LSR: variants seen among roughly 807,000 people sequenced by gnomAD.
LSR encodes lipolysis-stimulated lipoprotein receptor.
LSR carries 44 observed loss-of-function variants against 61.8 expected under a neutral mutation model. The ratio of observed to expected loss-of-function variants is 0.71; its 90% CI spans 0.56 to 0.91. The LOEUF is 0.91. Ranked by LOEUF, LSR falls within the 40% of genes least tolerant of loss-of-function variation. The pLI, the probability that LSR is intolerant of heterozygous loss-of-function variation, is 0.00. For synonymous variants in LSR, 397 were observed against 350.6 expected, an observed-to-expected ratio of 1.13 and a Z score of -1.48; for missense variants, 911 against 830.5, an observed-to-expected ratio of 1.10 and a Z score of -1.19.
At chr19:35,262,075 C>A in intron 4 of LSR, 94 bp downstream of exon 4, 3 of 1,195,612 alleles carry the variant, frequency 2.5e-6, no homozygotes, top group Non-Finnish European at 3.5e-6. Context: ...CCCCACTAAA[C>A]CCTGCTCACT....
At position 35,250,167 on chromosome 19, in the gene LSR, CACTGGTCCTGGCAATTA is replaced by C. The variant is rs552687486; in HGVS notation, c.110-146_110-130del. 2,554 of 561,548 alleles carry C rather than the reference CACTGGTCCTGGCAATTA, an allele frequency of 4.5e-3. 61 individuals are homozygous for C. The highest frequency in any genetic ancestry group is 0.039 in the South Asian group (1,162 of 30,090). The allele number at this position is 561,548 out of a possible 1,614,324, so 34.8% of individuals were successfully genotyped here. On this transcript the variant is annotated intron_variant, in intron 1 of 9. Coordinates refer to ENST00000605618, the MANE Select transcript of LSR (RefSeq NM_205834.4). Reference sequence around the variant, plus strand: ...ATGGGCATGATTATCGTGGCTACCTCACTGGTCCTGGCAATTAAGGAACAATGTGTGCCAGGCACTCT... The same window carrying C: ...ATGGGCATGATTATCGTGGCTACCTCAGGAACAATGTGTGCCAGGCACTCT...
intron 1 of LSR, 84 bp from the exon 2 acceptor site, chr19:35,250,231 G>A: frequency 1.1e-6 from 1 of 878,506 alleles, no homozygotes; most frequent in Non-Finnish European, 1.8e-6. Flanking sequence ...ACTTGCGAGT[G>A]TCAAGCTGGT....
chr19:35,251,078 C>T (rs892136319), intron 2 of LSR, among the ~76,000 whole-genome samples: 3 of 152,098 alleles, frequency 2.0e-5, no homozygotes, highest in African/African-American at 7.2e-5. Context: ...GACACCATAC[C>T]CAGCCTAAAG....
At chr19:35,252,819 C>G (rs1444437404) in intron 2 of LSR, among the ~76,000 whole-genome samples, 1 of 151,878 alleles carries the variant, frequency 6.6e-6, no homozygotes, top group African/African-American at 2.4e-5. Context: ...TTGAGACCAG[C>G]CTGGACAACA....
intron 3 of LSR, among the ~76,000 whole-genome samples, chr19:35,261,671 C>G (rs188010268): frequency 7.9e-5 from 12 of 152,340 alleles, no homozygotes; most frequent in Admixed American, 7.2e-4. Context: ...GTAGAGCCCT[C>G]AGAACCCCCT....
At chr19:35,261,845 G>T (rs2065933418) in intron 3 of LSR, 80 bp from the exon 4 acceptor site, 1 of 1,024,178 alleles carries the variant, frequency 9.8e-7, no homozygotes, top group East Asian at 2.9e-5. Flanking sequence ...CACTTGGCCA[G>T]CCTGGAGCTG....
chr19:35,267,842 G>T lies in LSR; in HGVS notation c.1789G>T (p.Glu597Ter), dbSNP rs62112774. The T allele has an allele frequency of 1.9e-6, 3 of 1,613,894 alleles. No individual in the cohort carries two copies. Among genetic ancestry groups the T allele is most frequent in the South Asian group, 1.1e-5 (1 of 91,082 alleles). The change falls in exon 10 of 10, where the codon GAA becomes TAA. Residue 597 changes from glutamate (E) to a stop codon, truncating the protein, a stop_gained. Transcript: ENST00000605618. LOFTEE classifies it high-confidence loss of function. ...RLKKNLALSR[E>*]SLVV ...CTTGCAGAACTTGGCCCTGAGTCGG[G>T]AAAGTTTAGTCGTCTGATCTGACGT...
Position 35,250,385 on chromosome 19 carries a change from C to A in LSR, c.180C>A (p.Thr60=). Residue 60 remains threonine (T), a synonymous_variant, in exon 2 of 10, where the codon ACC becomes ACA. Coordinates refer to ENST00000605618, the MANE Select transcript of LSR (RefSeq NM_205834.4). ...YHVVILFQPV[T]LPCTYQMTST... ...TGGTGATCCTCTTCCAGCCTGTGAC[C>A]CTGCCCTGTACCTACCAGATGACCT... is the stretch of plus-strand genomic sequence containing the variant. 1.2e-6 allele frequency: 2 copies of A among 1,606,582 alleles called. No homozygotes were observed. Among genetic ancestry groups the A allele is most frequent in the South Asian group, 1.1e-5 (1 of 90,350 alleles).
At chr19:35,251,043 G>A (rs1050619845) in intron 2 of LSR, among the ~76,000 whole-genome samples, 1 of 152,100 alleles carries the variant, frequency 6.6e-6, no homozygotes, top group Non-Finnish European at 1.5e-5. Flanking sequence ...TGATCTGCCC[G>A]CCTTGGCCTC....
chr19:35,262,218 CTT>C (rs2065938894), intron 4 of LSR, among the ~76,000 whole-genome samples: 1 of 152,174 alleles, frequency 6.6e-6, no homozygotes, highest in Non-Finnish European at 1.5e-5. Context: ...CTGCGGTGCT[CTT>C]GAGGGTGTGG....
intron 2 of LSR, 55 bp downstream of exon 2, chr19:35,250,714 G>GC: frequency 7.2e-7 from 1 of 1,386,264 alleles, no homozygotes. Flanking sequence ...GGTGGGACTG[G>GC]CGTCCTTGTG....
rs775067189 is a variant in LSR, at chr19:35,250,619, G to C, written c.414G>C (p.Leu138=). The change falls in exon 2 of 10, where the codon CTG becomes CTC. Residue 138 remains leucine (L), a synonymous_variant. Transcript: ENST00000605618. ...CCAAGCAGGGCAACGCTGTGACCCTGGGAGATTACTACCAGGGCCGGAGGA... is the reference window on the plus strand; with the variant it reads ...CCAAGCAGGGCAACGCTGTGACCCTCGGAGATTACTACCAGGGCCGGAGGA... ...VATKQGNAVT[L]GDYYQGRRIT... is the part of the protein sequence containing the mutation. 1.9e-6 allele frequency: 3 copies of C among 1,591,118 alleles called. No homozygotes were observed. The highest frequency in any genetic ancestry group is 1.7e-6 in the Non-Finnish European group (2 of 1,163,630).
At position 35,267,931 on chromosome 19, in the gene LSR, C is replaced by G; in HGVS notation, c.*72C>G. On this transcript the variant is annotated 3_prime_UTR_variant, in exon 10 of 10. Transcript: ENST00000605618. ...GGAACACTGATGAAGCCCTGCCATA[C>G]CCCTCCCGAGTCTAATAAAACGTAT... 6.6e-7 allele frequency: 1 copy of G among 1,523,324 alleles called. No individual in the cohort carries two copies. Among genetic ancestry groups the G allele is most frequent in the South Asian group, 1.1e-5 (1 of 89,114 alleles). The allele number at this position is 1,523,324 out of a possible 1,614,324, so 94.4% of individuals were successfully genotyped here.
chr19:35,261,825 G>A (rs2065933113), intron 3 of LSR, 100 bp from the exon 4 acceptor site: 1 of 735,388 alleles, frequency 1.4e-6, no homozygotes, highest in Non-Finnish European at 2.1e-6. Context: ...CCGCTTCAGG[G>A]CACACCTTGC....
At chr19:35,253,412 C>T (rs1426623740) in intron 2 of LSR, 1 of 152,716 alleles carries the variant, frequency 6.5e-6, no homozygotes, top group East Asian at 1.9e-4. Context: ...GGGCCTGGGC[C>T]TTACAGAACC....
At chr19:35,257,862 G>A (rs1483727017) in intron 2 of LSR, among the ~76,000 whole-genome samples, 1 of 152,164 alleles carries the variant, frequency 6.6e-6, no homozygotes, top group Admixed American at 6.5e-5. Flanking sequence ...CAGGCTCCTT[G>A]CCTGCAGCTG....
chr19:35,267,030 T>TA (rs2066014195), intron 8 of LSR, 63 bp downstream of exon 8: 4 of 1,565,682 alleles, frequency 2.6e-6, no homozygotes, highest in Non-Finnish European at 3.5e-6. Context: ...GTCTCCCTGA[T>TA]ACCTGCCGCA....
chr19:35,267,921 C>G lies in LSR; in HGVS notation c.*62C>G. ...TTAATTTGAAGGAACACTGATGAAGCCCTGCCATACCCCTCCCGAGTCTAA... is the reference window on the plus strand; with the variant it reads ...TTAATTTGAAGGAACACTGATGAAGGCCTGCCATACCCCTCCCGAGTCTAA... On this transcript the variant is annotated 3_prime_UTR_variant, in exon 10 of 10. Transcript: ENST00000605618. The G allele has an allele frequency of 6.5e-7, 1 of 1,531,448 alleles. No homozygotes were observed. Among genetic ancestry groups the G allele is most frequent in the South Asian group, 1.1e-5 (1 of 89,322 alleles). 94.9% of individuals were successfully genotyped at this position (1,531,448 alleles called of 1,614,324 possible). A position where few individuals can be genotyped will look rare whatever the true frequency, so the allele number is the denominator to read the frequency against.
Position 35,267,524 on chromosome 19 carries a change from C to A in LSR, c.1560C>A (p.His520Gln), listed in dbSNP as rs112196604. 136 of 1,612,064 alleles carry A rather than the reference C, an allele frequency of 8.4e-5. 1 individual carries two copies. In the African/African-American group the frequency reaches 1.5e-3, roughly 18 times the overall value. Residue 520 changes from histidine to glutamine, a missense_variant, in exon 9 of 10, where the codon CAC becomes CAA. His to Gln is a conservative substitution (Grantham distance 24). Transcript: ENST00000605618. ...ERPPADPRSH[H>Q]HRTRDPRDNG... Reference sequence around the variant, plus strand: ...CTCCTGCCGACCCCAGGTCCCACCACCACCGTACCCGGGACCCTCGGGACA... The same window carrying A: ...CTCCTGCCGACCCCAGGTCCCACCAACACCGTACCCGGGACCCTCGGGACA...
Sources: gnomAD v4.1 joint callset for allele counts (sites outside exome capture counted in the v4.1 genomes callset) on GRCh38, gnomAD v4.1.1 for gene constraint, MANE v1.5 for transcripts, NCBI Gene and HGNC (gene_info 2026-07-23, HGNC 2026-07-21) for gene names.